The following SNX24 variants were observed in gnomAD, a reference collection of about 807,000 sequenced individuals.
SNX24 encodes sorting nexin 24.
In SNX24, 22 loss-of-function variants were observed where a neutral mutation model predicts 28.7. The ratio of observed to expected loss-of-function variants is 0.77; its 90% confidence interval spans 0.55 to 1.10. The LOEUF (loss-of-function observed/expected upper bound fraction) is 1.10. Ranked by LOEUF, SNX24 falls within the 50% of genes least tolerant of loss-of-function variation. The pLI is 0.00. For missense variants in SNX24, 221 were observed against 201.1 expected (o/e 1.10, Z -0.60); for synonymous variants, 69 against 71.5 (o/e 0.96, Z 0.18).
At chr5:123,009,365 A>G (rs1762516064), downstream of SNX24, among the ~76,000 whole-genome samples, 1 of 152,200 alleles carries the variant, frequency 6.6e-6, no homozygotes, top group African/African-American at 2.4e-5. Context: ...AAATTATCTC[A>G]TCTATTAAGT....
chr5:122,913,514 TG>T (rs1237563362), intron 1 of SNX24, among the ~76,000 whole-genome samples: 5 of 151,474 alleles, frequency 3.3e-5, no homozygotes, highest in African/African-American at 4.9e-5. Context: ...ACGTGGTGGC[TG>T]CCTGGCGGAG....
intron 3 of SNX24, among the ~76,000 whole-genome samples, chr5:122,961,877 G>A (rs1760501585): frequency 6.6e-6 from 1 of 152,112 alleles, no homozygotes; most frequent in Non-Finnish European, 1.5e-5. Flanking sequence ...TTAGGATTTA[G>A]CAGACAAGTT....
chr5:122,943,518 C>T (rs1164265434), intron 2 of SNX24, among the ~76,000 whole-genome samples: 1 of 152,224 alleles, frequency 6.6e-6, no homozygotes, highest in Non-Finnish European at 1.5e-5. Context: ...GCTGTTCCAT[C>T]TCACGTGAGG....
At chr5:122,852,584 C>A (rs1197424946) in intron 1 of SNX24, among the ~76,000 whole-genome samples, 2 of 152,116 alleles carry the variant, frequency 1.3e-5, no homozygotes, top group Non-Finnish European at 2.9e-5. Flanking sequence ...TTCAAGTGAT[C>A]CACCCACCTC....
At chr5:122,956,708 G>A (rs1468189094) in intron 3 of SNX24, among the ~76,000 whole-genome samples, 1 of 152,060 alleles carries the variant, frequency 6.6e-6, no homozygotes, top group Non-Finnish European at 1.5e-5. Flanking sequence ...TGTTCCCTGG[G>A]TTTTTTATAT....
chr5:123,007,648 CTTTTTTTTTTCT>C (rs550366725), intron 6 of SNX24, 22 bp from the exon 7 acceptor site: 199 of 1,389,054 alleles, frequency 1.4e-4, no homozygotes, highest in East Asian at 2.8e-4. Flanking sequence ...AGCAGTTTTT[CTTTTTTTTTTCT>C]TTTTTTTTTT....
At chr5:122,986,614 C>T (rs1264671687) in intron 3 of SNX24, among the ~76,000 whole-genome samples, 2 of 151,868 alleles carry the variant, frequency 1.3e-5, no homozygotes, top group Admixed American at 1.3e-4. Context: ...TGGTGGAAGC[C>T]GAAGCCAATT....
chr5:122,913,936 C>T (rs1022480576), intron 1 of SNX24, among the ~76,000 whole-genome samples: 1 of 152,208 alleles, frequency 6.6e-6, no homozygotes, highest in Non-Finnish European at 1.5e-5. Context: ...AGGGAAACCC[C>T]GTCTCCACCA....
chr5:122,936,489 T>C (rs186268796), intron 1 of SNX24, among the ~76,000 whole-genome samples: 129 of 152,300 alleles, frequency 8.5e-4, no homozygotes, highest in Non-Finnish European at 1.2e-3. Context: ...AGGTTTTTTT[T>C]TATGCATTTA....
At chr5:123,021,112 C>T (rs1178504965) in intron 5 of SNX24, among the ~76,000 whole-genome samples, 1 of 151,468 alleles carries the variant, frequency 6.6e-6, no homozygotes, top group East Asian at 1.9e-4. Flanking sequence ...GTTCCCCCCC[C>T]GTCCCCATGG....
intron 1 of SNX24, among the ~76,000 whole-genome samples, chr5:122,861,349 C>T (rs1755453402): frequency 6.6e-6 from 1 of 151,996 alleles, no homozygotes; most frequent in Non-Finnish European, 1.5e-5. Context: ...ACCACCCCTC[C>T]CAAAAAAAGA....
chr5:122,908,847 A>T (rs944448814), intron 1 of SNX24, among the ~76,000 whole-genome samples: 1 of 152,186 alleles, frequency 6.6e-6, no homozygotes, highest in Non-Finnish European at 1.5e-5. Flanking sequence ...GGTGGAACGG[A>T]ATGTCCTGTG....
intron 1 of SNX24, among the ~76,000 whole-genome samples, chr5:122,871,773 AAAAC>A (rs1027747311): frequency 2.9e-4 from 44 of 152,282 alleles, no homozygotes; most frequent in African/African-American, 1.0e-3. Context: ...TCTGTCTCAA[AAAAC>A]AAACAAACAA....
At chr5:122,889,785 T>A (rs246283) in intron 1 of SNX24, among the ~76,000 whole-genome samples, 46,551 of 149,366 alleles carry the variant, frequency 0.31, 8,524 homozygotes, top group East Asian at 0.84. Context: ...ATTTTTTCAT[T>A]ATTCCTAAGG....
chr5:122,948,745 C>T (rs1047313554), intron 3 of SNX24: 1 of 152,162 alleles, frequency 6.6e-6, no homozygotes, highest in African/African-American at 2.4e-5. Context: ...AATCTTGCCC[C>T]CATTCCTGCA....
At chr5:123,001,347 T>A (rs1561721208) in intron 4 of SNX24, 58 bp from the exon 5 acceptor site, 2 of 1,173,478 alleles carry the variant, frequency 1.7e-6, no homozygotes, top group Non-Finnish European at 1.3e-6. Flanking sequence ...TTTGTTGGCA[T>A]AAACATTGAC....
At chr5:122,993,297 C>CTTT (rs34422739) in intron 3 of SNX24, among the ~76,000 whole-genome samples, 12 of 114,188 alleles carry the variant, frequency 1.1e-4, no homozygotes, top group Middle Eastern at 9.9e-3. Context: ...TAGTGGCTGC[C>CTTT]TTTTTTTTTT....
At chr5:122,967,725 T>TG (rs1347460365) in intron 3 of SNX24, among the ~76,000 whole-genome samples, 2 of 152,196 alleles carry the variant, frequency 1.3e-5, no homozygotes, top group African/African-American at 4.8e-5. Flanking sequence ...CTGCGATTTG[T>TG]GGGGCCTGAT....
At chr5:123,016,026 G>A (rs996983090) in intron 5 of SNX24, among the ~76,000 whole-genome samples, 18 of 152,192 alleles carry the variant, frequency 1.2e-4, no homozygotes, top group Admixed American at 3.3e-4. Flanking sequence ...CCTAGTTATA[G>A]TAACTTTTCT....
Sources: allele counts gnomAD v4.1 joint callset (sites outside exome capture counted in the v4.1 genomes callset), GRCh38; gene constraint gnomAD v4.1.1; transcripts MANE v1.5; gene names NCBI Gene and HGNC (gene_info 2026-07-23, HGNC 2026-07-21).